The following CDH4 variants were observed in gnomAD, a reference collection of about 807,000 sequenced individuals.
The protein encoded by CDH4 is cadherin 4.
CDH4 carries 33 observed loss-of-function variants against 86.0 expected under a neutral mutation model. The ratio of observed to expected loss-of-function variants is 0.38; its 90% CI spans 0.29 to 0.51. The LOEUF is 0.51. Ranked by LOEUF, CDH4 falls within the 20% of genes least tolerant of loss-of-function variation. The pLI, the probability that CDH4 is intolerant of heterozygous loss-of-function variation, is 0.86. For synonymous variants in CDH4, 555 were observed against 549.4 expected (o/e 1.01, Z -0.14); for missense variants, 1,114 against 1,307.4 (o/e 0.85, Z 2.28).
At chr20:61,525,204 G>A (rs978288741) in intron 2 of CDH4, among the ~76,000 whole-genome samples, 1 of 152,156 alleles carries the variant, frequency 6.6e-6, no homozygotes, top group Non-Finnish European at 1.5e-5. Context: ...GAAGGTTCTG[G>A]TGACTGGAGA....
chr20:61,404,093 C>T (rs183321739), intron 2 of CDH4, among the ~76,000 whole-genome samples: 15 of 152,300 alleles, frequency 9.8e-5, no homozygotes, highest in African/African-American at 2.6e-4. Flanking sequence ...GAGCTGGGCA[C>T]TGGGCAAGGA....
chr20:61,583,524 C>T (rs958406210), intron 2 of CDH4, among the ~76,000 whole-genome samples: 7 of 152,082 alleles, frequency 4.6e-5, no homozygotes, highest in African/African-American at 1.4e-4. Context: ...GAGGCAGCTG[C>T]GAGGTGGAGC....
intron 4 of CDH4, among the ~76,000 whole-genome samples, chr20:61,798,924 G>A (rs1014982064): frequency 4.6e-5 from 7 of 152,210 alleles, no homozygotes; most frequent in Admixed American, 2.6e-4. Flanking sequence ...CCGATGACCC[G>A]GGCTCCTTTC....
At chr20:61,280,979 T>G (rs2084255571) in intron 2 of CDH4, among the ~76,000 whole-genome samples, 1 of 152,210 alleles carries the variant, frequency 6.6e-6, no homozygotes, top group African/African-American at 2.4e-5. Flanking sequence ...CTGCTGGCTT[T>G]CCATTTTCCA....
chr20:61,789,074 G>A (rs369436628), intron 4 of CDH4, among the ~76,000 whole-genome samples: 216 of 152,254 alleles, frequency 1.4e-3, no homozygotes, highest in African/African-American at 4.5e-3. Flanking sequence ...AGAAAGTCTC[G>A]TCTGACACAG....
chr20:61,560,810 G>C (rs1390377961), intron 2 of CDH4, among the ~76,000 whole-genome samples: 1 of 152,218 alleles, frequency 6.6e-6, no homozygotes, highest in Non-Finnish European at 1.5e-5. Context: ...TGTCCATCCG[G>C]GGATAGTCCT....
rs774560707 is a variant in CDH4, at chr20:61,894,990, A to G, written c.1131A>G (p.Thr377=). 6 of 1,613,834 alleles carry G rather than the reference A, an allele frequency of 3.7e-6. No individual in the cohort carries two copies. The highest frequency in any genetic ancestry group is 5.1e-6 in the Non-Finnish European group (6 of 1,180,016). ...ACTATGGCCTCTCAAACACAGCCACAGCCATCATCACGGTGACAGATGTGA... is the reference window on the plus strand; with the variant it reads ...ACTATGGCCTCTCAAACACAGCCACGGCCATCATCACGGTGACAGATGTGA... ...NLNYGLSNTA[T]AIITVTDVND... is the part of the protein sequence containing the mutation. The change falls in exon 8 of 16, where the codon ACA becomes ACG. Residue 377 remains threonine, a synonymous_variant. Transcript: ENST00000614565.
chr20:61,733,968 G>T (rs748964457), intron 2 of CDH4, among the ~76,000 whole-genome samples: 3 of 152,254 alleles, frequency 2.0e-5, no homozygotes, highest in Non-Finnish European at 2.9e-5. Context: ...GGCTCCTGCC[G>T]CAGAGGAAGC....
At chr20:61,352,563 G>C (rs897583326) in intron 2 of CDH4, among the ~76,000 whole-genome samples, 1 of 152,214 alleles carries the variant, frequency 6.6e-6, no homozygotes, top group Non-Finnish European at 1.5e-5. Context: ...AGCCCTTTTC[G>C]TTTCTGACCT....
At chr20:61,580,641 G>A (rs1010806819) in intron 2 of CDH4, among the ~76,000 whole-genome samples, 1 of 19,510 alleles carries the variant, frequency 5.1e-5, no homozygotes, top group Non-Finnish European at 1.9e-4. Context: ...TGACGCTCTA[G>A]GGGGGGAAAT....
At chr20:61,871,799 A>C (rs1335260124) in intron 6 of CDH4, among the ~76,000 whole-genome samples, 1 of 152,194 alleles carries the variant, frequency 6.6e-6, no homozygotes, top group Non-Finnish European at 1.5e-5. Context: ...TTGAACTATA[A>C]TTCACGTGCC....
intron 2 of CDH4, among the ~76,000 whole-genome samples, chr20:61,406,433 A>G (rs2085083100): frequency 7.0e-6 from 1 of 142,310 alleles, no homozygotes; most frequent in Non-Finnish European, 1.5e-5. Flanking sequence ...CCGGACCACC[A>G]TCTGCTCTCC....
chr20:61,691,218 C>T (rs1328712808), intron 2 of CDH4, among the ~76,000 whole-genome samples: 1 of 152,036 alleles, frequency 6.6e-6, no homozygotes, highest in Non-Finnish European at 1.5e-5. Context: ...GTGACCAATC[C>T]CAGGACTCGG....
intron 2 of CDH4, among the ~76,000 whole-genome samples, chr20:61,341,794 G>A (rs971962128): frequency 2.0e-5 from 3 of 152,168 alleles, no homozygotes; most frequent in African/African-American, 7.2e-5. Context: ...GGCATCTTCA[G>A]AGTGCAATGG....
intron 2 of CDH4, among the ~76,000 whole-genome samples, chr20:61,462,520 C>T (rs1245131098): frequency 1.3e-5 from 2 of 152,136 alleles, no homozygotes; most frequent in Admixed American, 1.3e-4. Context: ...CCAAAAATAA[C>T]AAAATATCTT....
chr20:61,619,386 G>A (rs952973541), intron 2 of CDH4, among the ~76,000 whole-genome samples: 5 of 152,156 alleles, frequency 3.3e-5, no homozygotes, highest in South Asian at 4.1e-4. Flanking sequence ...AATGATTTCT[G>A]GAACTTGTGG....
At chr20:61,447,703 G>A (rs1202595827) in intron 2 of CDH4, among the ~76,000 whole-genome samples, 2 of 149,816 alleles carry the variant, frequency 1.3e-5, no homozygotes, top group East Asian at 3.9e-4. Context: ...AGGAGAAGAG[G>A]TAGGAGCAAG....
intron 2 of CDH4, among the ~76,000 whole-genome samples, chr20:61,272,332 C>A (rs1441350057): frequency 6.6e-6 from 1 of 152,220 alleles, no homozygotes; most frequent in Non-Finnish European, 1.5e-5. Context: ...GGAGGGGCTA[C>A]TTCTGAGATA....
chr20:61,764,678 C>T (rs1022298025), intron 3 of CDH4, among the ~76,000 whole-genome samples: 1 of 152,210 alleles, frequency 6.6e-6, no homozygotes, highest in African/African-American at 2.4e-5. Context: ...CCATCAGTGG[C>T]AGTTTTGCAG....
Sources: gnomAD v4.1 joint callset for allele counts (sites outside exome capture counted in the v4.1 genomes callset) on GRCh38, gnomAD v4.1.1 for gene constraint, MANE v1.5 for transcripts, NCBI Gene and HGNC (gene_info 2026-07-23, HGNC 2026-07-21) for gene names.